The following FKBP14 variants were observed in gnomAD, a reference collection of about 807,000 sequenced individuals.
FKBP14 encodes the protein peptidyl-prolyl cis-trans isomerase FKBP14.
A neutral mutation model predicts 21.6 loss-of-function variants in FKBP14; 20 were observed. The ratio of observed to expected loss-of-function variants is 0.92; its 90% CI spans 0.65 to 1.34. FKBP14 has a LOEUF of 1.34. Ranked by LOEUF, FKBP14 falls within the 40% of genes most tolerant of loss-of-function variation. The pLI, the probability that FKBP14 is intolerant of heterozygous loss-of-function variation, is 0.00. For synonymous variants in FKBP14, 79 were observed against 86.7 expected, an observed-to-expected ratio of 0.91 and a Z score of 0.49; for missense variants, 253 against 249.0, an observed-to-expected ratio of 1.02 and a Z score of -0.11.
chr7:30,023,742 G>C (rs1380827738), intron 1 of FKBP14, among the ~76,000 whole-genome samples: 1 of 152,216 alleles, frequency 6.6e-6, no homozygotes, highest in Non-Finnish European at 1.5e-5. Context: ...TTACATGGTA[G>C]CAGGCAAGAA....
At chr7:30,006,715 A>G (rs1356431555), downstream of FKBP14, among the ~76,000 whole-genome samples, 1 of 152,120 alleles carries the variant, frequency 6.6e-6, no homozygotes, top group African/African-American at 2.4e-5. Context: ...GCATCCACTC[A>G]TTGCCGGGAA....
intron 3 of FKBP14, among the ~76,000 whole-genome samples, chr7:30,018,749 G>A (rs1467133363): frequency 6.6e-6 from 1 of 152,162 alleles, no homozygotes; most frequent in Non-Finnish European, 1.5e-5. Context: ...GAAGAAAAAA[G>A]CAAAAGATTG....
At chr7:30,024,467 C>G (rs1562840007) in intron 1 of FKBP14, among the ~76,000 whole-genome samples, 1 of 152,212 alleles carries the variant, frequency 6.6e-6, no homozygotes, top group African/African-American at 2.4e-5. Context: ...GCGGCGCAAT[C>G]TTGGCTCACT....
At chr7:30,007,653 T>A (rs981963173), downstream of FKBP14, among the ~76,000 whole-genome samples, 1 of 152,168 alleles carries the variant, frequency 6.6e-6, no homozygotes, top group African/African-American at 2.4e-5. Context: ...AATACAAATA[T>A]AGGAGACTGT....
chr7:30,024,492 C>T (rs1790120391), intron 1 of FKBP14, among the ~76,000 whole-genome samples: 1 of 152,204 alleles, frequency 6.6e-6, no homozygotes, highest in African/African-American at 2.4e-5. Flanking sequence ...CCTCCGCCTC[C>T]TGGGTTCAAG....
chr7:30,024,609 G>A (rs1429800713), intron 1 of FKBP14, among the ~76,000 whole-genome samples: 1 of 152,118 alleles, frequency 6.6e-6, no homozygotes, highest in Non-Finnish European at 1.5e-5. Context: ...TGTTGGCCAG[G>A]ATGGTCTCAA....
chr7:30,022,610 T>C (rs1459745924), intron 2 of FKBP14, 55 bp downstream of exon 2: 17 of 1,543,096 alleles, frequency 1.1e-5, no homozygotes, highest in South Asian at 7.5e-5. Flanking sequence ...TTCTGTCTCC[T>C]AATCCAGAGA....
At chr7:30,006,116 CT>C (rs67895228), downstream of FKBP14, among the ~76,000 whole-genome samples, 78,860 of 110,186 alleles carry the variant, frequency 0.72, 28,896 homozygotes, top group East Asian at 0.83. Flanking sequence ...TTAGGATAGT[CT>C]TTTTTTTTTT....
intron 2 of FKBP14, chr7:30,020,347 A>C: frequency 9.2e-7 from 1 of 1,092,134 alleles, no homozygotes; most frequent in Non-Finnish European, 1.2e-6. Context: ...AATTAGTTTC[A>C]TGGCATTCAG....
At chr7:30,024,110 C>G (rs1406042937) in intron 1 of FKBP14, among the ~76,000 whole-genome samples, 1 of 152,046 alleles carries the variant, frequency 6.6e-6, no homozygotes, top group African/African-American at 2.4e-5. Context: ...ATATTCTATT[C>G]AAGGATATCT....
chr7:30,016,726 A>G (rs1789895065), intron 3 of FKBP14, among the ~76,000 whole-genome samples: 1 of 152,188 alleles, frequency 6.6e-6, no homozygotes, highest in Non-Finnish European at 1.5e-5. Context: ...ATTTAAAAAT[A>G]TAAATATTGT....
At position 30,011,912 on chromosome 7, in the gene FKBP14, T is replaced by A. The variant is rs1442547858; in HGVS notation, c.*2823A>T. ...ATTGTTATTGTTGTAGTATCTTTTCTGTGTTTAGATGTTTGAATAAACAGA... is the reference window on the plus strand; with the variant it reads ...ATTGTTATTGTTGTAGTATCTTTTCAGTGTTTAGATGTTTGAATAAACAGA... On this transcript the variant is annotated 3_prime_UTR_variant, in exon 4 of 4. Transcript: ENST00000222803. 6.6e-6 allele frequency: 1 copy of A among 152,186 alleles called. No individual in the cohort carries two copies. Among genetic ancestry groups the A allele is most frequent in the Non-Finnish European group, 1.5e-5 (1 of 68,034 alleles). The allele number at this position is 152,186 out of a possible 1,614,324, so 9.4% of individuals were successfully genotyped here.
chr7:30,009,211 C>G (rs187362295), downstream of FKBP14, among the ~76,000 whole-genome samples: 1 of 151,220 alleles, frequency 6.6e-6, no homozygotes, highest in East Asian at 1.9e-4. Flanking sequence ...TTTTTTGTTT[C>G]TCCCTGCATC....
At chr7:30,025,082 A>G (rs1790138460) in intron 1 of FKBP14, among the ~76,000 whole-genome samples, 1 of 152,188 alleles carries the variant, frequency 6.6e-6, no homozygotes, top group Admixed American at 6.5e-5. Flanking sequence ...CCAACCCTCA[A>G]GACAGACCAG....
chr7:30,025,339 T>C (rs1054111030), intron 1 of FKBP14: 1 of 152,242 alleles, frequency 6.6e-6, no homozygotes, highest in Non-Finnish European at 1.5e-5. Flanking sequence ...TTGAATATTC[T>C]GTACCCTATA....
chr7:30,009,910 A>G (rs1789683494), downstream of FKBP14, among the ~76,000 whole-genome samples: 1 of 152,074 alleles, frequency 6.6e-6, no homozygotes, highest in African/African-American at 2.4e-5. Flanking sequence ...GAAGCAGGAG[A>G]ATCGCTTGAA....
At chr7:30,007,896 A>G (rs1479248308), downstream of FKBP14, among the ~76,000 whole-genome samples, 15 of 152,120 alleles carry the variant, frequency 9.9e-5, no homozygotes, top group Non-Finnish European at 1.9e-4. Context: ...TAAAAATACA[A>G]AAATTAGCCG....
rs549251135 is a variant in FKBP14, at chr7:30,018,868, A to C, written c.477+128T>G. 7.0e-4 allele frequency: 631 copies of C among 903,596 alleles called. 11 individuals are homozygous for C. The South Asian group carries it at 0.011, about 16-fold the overall frequency. 56.0% of individuals were successfully genotyped at this position (903,596 alleles called of 1,614,324 possible). A position where few individuals can be genotyped will look rare whatever the true frequency, so the allele number is the denominator to read the frequency against. On this transcript the variant is annotated intron_variant, in intron 3 of 3. Transcript: ENST00000222803. Reference sequence around the variant, plus strand: ...TTAAGAAAACTTATAAATAAATGTTACCTAAATAAAAGTAGATTTGAAATA... The same window carrying C: ...TTAAGAAAACTTATAAATAAATGTTCCCTAAATAAAAGTAGATTTGAAATA...
In FKBP14 at chr7:30,014,676, TTAAA is replaced by T. The variant is rs1789831120; in HGVS notation, c.*55_*58del. ...ACATTGTATAAAAATAAAATGTTCT[TTAAA>T]GATGACTGCCCTCTCTTGAAAGATG... On this transcript the variant is annotated 3_prime_UTR_variant, in exon 4 of 4. Coordinates refer to ENST00000222803, the MANE Select transcript of FKBP14 (RefSeq NM_017946.4). 1 of 1,124,680 alleles carries T rather than the reference TTAAA, an allele frequency of 8.9e-7. No individual in the cohort carries two copies. The highest frequency in any genetic ancestry group is 1.6e-5 in the African/African-American group (1 of 62,646). 69.7% of individuals were successfully genotyped at this position (1,124,680 alleles called of 1,614,324 possible).
Sources: gnomAD v4.1 joint callset for allele counts (sites outside exome capture counted in the v4.1 genomes callset) on GRCh38, gnomAD v4.1.1 for gene constraint, MANE v1.5 for transcripts, NCBI Gene and HGNC (gene_info 2026-07-23, HGNC 2026-07-21) for gene names.